Variants in SNTG1 observed in about 807,000 individuals in gnomAD.
SNTG1 encodes the protein gamma-1-syntrophin.
In SNTG1, 39 loss-of-function variants were observed where a neutral mutation model predicts 74.7. The ratio of observed to expected loss-of-function variants is 0.52; its 90% CI spans 0.40 to 0.68. The LOEUF (loss-of-function observed/expected upper bound fraction) is 0.68. Among genes scored for constraint, SNTG1 ranks in the 30% least tolerant of loss-of-function variants. The probability of loss-of-function intolerance (pLI) is 0.00; values close to 1 mark genes in which losing one functional copy is unlikely to be tolerated. For missense variants in SNTG1, 685 were observed against 609.5 expected (o/e 1.12, Z -1.30); for synonymous variants, 254 against 217.1 (o/e 1.17, Z -1.49).
chr8:50,442,271 T>C (rs1245039431), intron 5 of SNTG1, among the ~76,000 whole-genome samples: 1 of 152,206 alleles, frequency 6.6e-6, no homozygotes, highest in Non-Finnish European at 1.5e-5. Flanking sequence ...TTAGCAACTG[T>C]AGAAGGATCA....
At chr8:50,404,626 G>GT (rs199917490) in intron 4 of SNTG1, among the ~76,000 whole-genome samples, 8,887 of 147,276 alleles carry the variant, frequency 0.06, 282 homozygotes, top group Non-Finnish European at 0.073. Context: ...GGTCAGTTAA[G>GT]TTTTTTTTTT....
intron 1 of SNTG1, among the ~76,000 whole-genome samples, chr8:50,148,047 G>T (rs1422830569): frequency 6.6e-6 from 1 of 152,128 alleles, no homozygotes; most frequent in African/African-American, 2.4e-5. Flanking sequence ...CAATCTGAAA[G>T]AACTCACAAC....
At chr8:50,254,396 G>T (rs1202555337) in intron 2 of SNTG1, among the ~76,000 whole-genome samples, 2 of 152,138 alleles carry the variant, frequency 1.3e-5, no homozygotes, top group Non-Finnish European at 2.9e-5. Flanking sequence ...TACTAAAAGA[G>T]CTTTGAAATA....
At chr8:50,557,557 G>A (rs989759346) in intron 12 of SNTG1, among the ~76,000 whole-genome samples, 2 of 152,158 alleles carry the variant, frequency 1.3e-5, no homozygotes, top group African/African-American at 4.8e-5. Flanking sequence ...GTGGCTGCCA[G>A]CATTCCCTGG....
At chr8:50,167,151 T>C (rs557056364) in intron 1 of SNTG1, among the ~76,000 whole-genome samples, 1,977 of 140,212 alleles carry the variant, frequency 0.014, 47 homozygotes, top group African/African-American at 0.046. Flanking sequence ...AGGGATAGCA[T>C]TGGGAGATAT....
chr8:50,781,919 G>A (rs922430330), intron 18 of SNTG1, among the ~76,000 whole-genome samples: 7 of 152,136 alleles, frequency 4.6e-5, no homozygotes, highest in African/African-American at 1.4e-4. Context: ...AAATCTCTCA[G>A]CATTTGCTTG....
chr8:50,496,850 C>T (rs1441671772), intron 8 of SNTG1, among the ~76,000 whole-genome samples: 1 of 151,738 alleles, frequency 6.6e-6, no homozygotes, highest in African/African-American at 2.4e-5. Context: ...AAAAGGACAA[C>T]TGGATTTATT....
intron 13 of SNTG1, among the ~76,000 whole-genome samples, chr8:50,591,357 C>T (rs6473247): frequency 0.2 from 31,010 of 151,924 alleles, 7,458 homozygotes; most frequent in African/African-American, 0.58. Context: ...TTCTATAAAC[C>T]TCTTACTCTT....
intron 2 of SNTG1, among the ~76,000 whole-genome samples, chr8:50,314,877 C>T (rs2090255184): frequency 6.7e-6 from 1 of 149,640 alleles, no homozygotes; most frequent in Admixed American, 6.8e-5. Context: ...GTGTTGTAAG[C>T]ACTGGTGAAC....
chr8:49,969,829 A>G (rs1165942490), intron 1 of SNTG1, among the ~76,000 whole-genome samples: 2 of 152,096 alleles, frequency 1.3e-5, no homozygotes, highest in African/African-American at 4.8e-5. Context: ...CAGAATTTGA[A>G]AAGTTGCTAT....
intron 13 of SNTG1, among the ~76,000 whole-genome samples, chr8:50,622,639 G>A (rs1463594574): frequency 6.6e-6 from 1 of 151,852 alleles, no homozygotes; most frequent in Non-Finnish European, 1.5e-5. Flanking sequence ...TTGAAATTGT[G>A]AATCTGACCA....
chr8:49,997,779 T>C (rs374746669), intron 1 of SNTG1, among the ~76,000 whole-genome samples: 1 of 152,288 alleles, frequency 6.6e-6, no homozygotes, highest in South Asian at 2.1e-4. Context: ...GATCTTGAGA[T>C]CTTGTAGTGT....
chr8:50,048,200 C>G (rs546403180), intron 1 of SNTG1, among the ~76,000 whole-genome samples: 4 of 152,046 alleles, frequency 2.6e-5, no homozygotes, highest in African/African-American at 9.6e-5. Context: ...TTTAGTTTAT[C>G]CTCCTCAAAA....
intron 18 of SNTG1, among the ~76,000 whole-genome samples, chr8:50,782,366 T>G (rs549266253): frequency 1.3e-5 from 2 of 152,352 alleles, no homozygotes; most frequent in East Asian, 3.9e-4. Flanking sequence ...TTTGGTCTTT[T>G]CACATAGTCC....
chr8:50,661,148 GA>G (rs1170006678), intron 15 of SNTG1, among the ~76,000 whole-genome samples: 1 of 152,076 alleles, frequency 6.6e-6, no homozygotes, highest in Non-Finnish European at 1.5e-5. Flanking sequence ...GAAAAATGCA[GA>G]AAAAGCCACT....
At chr8:50,440,178 T>G (rs113703652) in intron 5 of SNTG1, among the ~76,000 whole-genome samples, 4,235 of 151,976 alleles carry the variant, frequency 0.028, 187 homozygotes, top group African/African-American at 0.095. Context: ...ATTTGAGCTA[T>G]GATCAATATC....
intron 1 of SNTG1, among the ~76,000 whole-genome samples, chr8:50,072,973 G>A (rs1821506081): frequency 6.6e-6 from 1 of 152,098 alleles, no homozygotes; most frequent in Non-Finnish European, 1.5e-5. Flanking sequence ...ACCAGTGGAG[G>A]GTCAGGCCTC....
At chr8:49,983,543 A>G (rs1169359098) in intron 1 of SNTG1, among the ~76,000 whole-genome samples, 2 of 152,182 alleles carry the variant, frequency 1.3e-5, no homozygotes, top group African/African-American at 4.8e-5. Context: ...ATGAGATCAC[A>G]GCTTACATAA....
At chr8:49,987,808 C>T (rs931862647) in intron 1 of SNTG1, among the ~76,000 whole-genome samples, 1 of 151,906 alleles carries the variant, frequency 6.6e-6, no homozygotes, top group East Asian at 1.9e-4. Context: ...GCCACCATGC[C>T]CAGCTAATTT....
Sources: gnomAD v4.1 joint callset for allele counts (sites outside exome capture counted in the v4.1 genomes callset) on GRCh38, gnomAD v4.1.1 for gene constraint, MANE v1.5 for transcripts, NCBI Gene and HGNC (gene_info 2026-07-23, HGNC 2026-07-21) for gene names.